Variants in SLC2A13 observed in about 807,000 individuals in gnomAD.
The protein encoded by SLC2A13 is proton myo-inositol cotransporter.
A neutral mutation model predicts 64.4 loss-of-function variants in SLC2A13; 32 were observed. The observed-to-expected ratio is 0.50, with a 90% CI of 0.37 to 0.67. The LOEUF is 0.67. Among genes scored for constraint, SLC2A13 ranks in the 30% least tolerant of loss-of-function variants. SLC2A13 has a pLI of 0.00. For synonymous variants in SLC2A13, 338 were observed against 327.1 expected, an observed-to-expected ratio of 1.03 and a Z score of -0.36; for missense variants, 743 against 829.2, an observed-to-expected ratio of 0.90 and a Z score of 1.28.
At chr12:39,916,504 A>G (rs548682479) in intron 4 of SLC2A13, among the ~76,000 whole-genome samples, 1 of 152,124 alleles carries the variant, frequency 6.6e-6, no homozygotes, top group South Asian at 2.1e-4. Flanking sequence ...TCCCAATACC[A>G]CATACACTGG....
At chr12:39,978,831 G>A (rs903732547) in intron 3 of SLC2A13, among the ~76,000 whole-genome samples, 24 of 151,974 alleles carry the variant, frequency 1.6e-4, no homozygotes, top group Non-Finnish European at 2.7e-4. Flanking sequence ...ACAGCTCAAG[G>A]AGGCCTGCCT....
intron 6 of SLC2A13, among the ~76,000 whole-genome samples, chr12:39,841,539 T>C (rs551629460): frequency 7.2e-5 from 11 of 152,216 alleles, no homozygotes; most frequent in Non-Finnish European, 1.6e-4. Flanking sequence ...TAAGATAACA[T>C]GTATATAAAT....
chr12:39,797,303 C>T (rs1941608838), intron 7 of SLC2A13, among the ~76,000 whole-genome samples: 1 of 152,142 alleles, frequency 6.6e-6, no homozygotes, highest in Non-Finnish European at 1.5e-5. Context: ...TTGAAAAATG[C>T]TAACATTTTC....
chr12:39,800,294 G>A (rs2135783763), intron 7 of SLC2A13, among the ~76,000 whole-genome samples: 1 of 152,290 alleles, frequency 6.6e-6, no homozygotes, highest in South Asian at 2.1e-4. Flanking sequence ...CTTATTCTGA[G>A]TAAGAATTGG....
intron 3 of SLC2A13, among the ~76,000 whole-genome samples, chr12:39,994,307 C>T (rs140722239): frequency 0.029 from 4,288 of 149,630 alleles, 172 homozygotes; most frequent in Admixed American, 0.11. Flanking sequence ...CGCTTGAACC[C>T]GGGAGGCGGA....
At chr12:40,030,910 G>A (rs898315596) in intron 2 of SLC2A13, among the ~76,000 whole-genome samples, 20 of 152,068 alleles carry the variant, frequency 1.3e-4, no homozygotes, top group Non-Finnish European at 2.9e-4. Flanking sequence ...CCTAACGTGT[G>A]GAAAAGGAAT....
At chr12:39,814,806 CA>C (rs1942293639) in intron 7 of SLC2A13, among the ~76,000 whole-genome samples, 1 of 152,056 alleles carries the variant, frequency 6.6e-6, no homozygotes, top group Admixed American at 6.5e-5. Flanking sequence ...TGCATTATCA[CA>C]ATTATGCATA....
chr12:40,095,966 G>A (rs528528841), intron 1 of SLC2A13, among the ~76,000 whole-genome samples: 5 of 152,032 alleles, frequency 3.3e-5, no homozygotes, highest in Non-Finnish European at 5.9e-5. Flanking sequence ...ACGGAGTCTC[G>A]CTCTGTCGCC....
intron 1 of SLC2A13, among the ~76,000 whole-genome samples, chr12:40,083,260 A>G (rs942620728): frequency 1.3e-5 from 2 of 151,810 alleles, no homozygotes; most frequent in Admixed American, 6.6e-5. Context: ...CCCCTTTTTC[A>G]GCTCTCTTCT....
intron 3 of SLC2A13, among the ~76,000 whole-genome samples, chr12:40,010,200 T>C (rs992657106): frequency 1.3e-5 from 2 of 152,136 alleles, no homozygotes; most frequent in African/African-American, 2.4e-5. Flanking sequence ...TCTTAACATA[T>C]AAGGTAGTGT....
intron 4 of SLC2A13, among the ~76,000 whole-genome samples, chr12:39,894,370 CACA>C (rs1944686882): frequency 6.6e-6 from 1 of 152,148 alleles, no homozygotes. Context: ...AGTAGAATAT[CACA>C]ACAATATTTT....
intron 3 of SLC2A13, among the ~76,000 whole-genome samples, chr12:40,011,854 C>T (rs1947537800): frequency 6.6e-6 from 1 of 152,174 alleles, no homozygotes; most frequent in Admixed American, 6.5e-5. Context: ...AATTACAACT[C>T]TGAAGACAGT....
At chr12:39,988,845 CTCT>C (rs1003564416) in intron 3 of SLC2A13, among the ~76,000 whole-genome samples, 16 of 152,114 alleles carry the variant, frequency 1.1e-4, no homozygotes, top group African/African-American at 3.6e-4. Context: ...TCTTTCATTC[CTCT>C]TCTTCTAATA....
intron 1 of SLC2A13, among the ~76,000 whole-genome samples, chr12:40,067,666 A>G (rs1937786536): frequency 6.6e-6 from 1 of 152,082 alleles, no homozygotes; most frequent in East Asian, 1.9e-4. Flanking sequence ...TACTAATACT[A>G]ATTAGTATTA....
chr12:39,929,955 AC>A (rs1229566955), intron 4 of SLC2A13, among the ~76,000 whole-genome samples: 2 of 151,932 alleles, frequency 1.3e-5, no homozygotes, highest in African/African-American at 4.8e-5. Context: ...ACAGGGTGAA[AC>A]CCTGTCTCTA....
At chr12:40,090,536 G>T (rs1346079082) in intron 1 of SLC2A13, among the ~76,000 whole-genome samples, 3 of 152,058 alleles carry the variant, frequency 2.0e-5, no homozygotes, top group African/African-American at 7.2e-5. Flanking sequence ...GCTATCCATA[G>T]GCAAAGTTTT....
intron 3 of SLC2A13, among the ~76,000 whole-genome samples, chr12:39,979,974 C>G (rs1357651111): frequency 6.7e-6 from 1 of 149,746 alleles, no homozygotes. Flanking sequence ...CAGCGGATCT[C>G]TCGGCAGAAA....
At chr12:39,875,437 T>C (rs556891191) in intron 4 of SLC2A13, among the ~76,000 whole-genome samples, 1 of 152,352 alleles carries the variant, frequency 6.6e-6, no homozygotes, top group South Asian at 2.1e-4. Flanking sequence ...TAAGGTAAAC[T>C]GATTAGCACA....
In SLC2A13 at chr12:39,896,056, A is replaced by G. The variant is rs150901655; in HGVS notation, c.1035-24095T>C. 6.6e-3 allele frequency among the ~76,000 whole-genome samples: 855 copies of G among 129,682 alleles called. 15 individuals are homozygous for G. Among genetic ancestry groups the G allele is most frequent in the African/African-American group, 0.024 (813 of 33,314 alleles). 85.1% of individuals were successfully genotyped at this position (129,682 alleles called of 152,430 possible). On this transcript the variant is annotated intron_variant, in intron 4 of 9. Transcript: ENST00000280871. Reference sequence around the variant, plus strand: ...CATATGTTTATATACGCATGTATATATGCATACATATATGTATACACGTGT... The same window carrying G: ...CATATGTTTATATACGCATGTATATGTGCATACATATATGTATACACGTGT...
Sources: gnomAD v4.1 joint callset for allele counts (sites outside exome capture counted in the v4.1 genomes callset) on GRCh38, gnomAD v4.1.1 for gene constraint, MANE v1.5 for transcripts, NCBI Gene and HGNC (gene_info 2026-07-23, HGNC 2026-07-21) for gene names.